SEPTIN9: variants seen among roughly 807,000 people sequenced by gnomAD.
The protein encoded by SEPTIN9 is septin 9, also known as septin-9.
In SEPTIN9, 13 loss-of-function variants were observed where a neutral mutation model predicts 56.6. That is an observed-to-expected ratio of 0.23 (90% CI 0.15 to 0.37). The LOEUF (loss-of-function observed/expected upper bound fraction) is 0.37. Among genes scored for constraint, SEPTIN9 ranks in the 10% least tolerant of loss-of-function variants. The probability of loss-of-function intolerance (pLI) is 1.00; values close to 1 mark genes in which losing one functional copy is unlikely to be tolerated. For synonymous variants in SEPTIN9, 332 were observed against 334.1 expected, an observed-to-expected ratio of 0.99 and a Z score of 0.07; for missense variants, 650 against 823.1, an observed-to-expected ratio of 0.79 and a Z score of 2.57.
At chr17:77,428,392 T>C (rs551705816) in intron 3 of SEPTIN9, among the ~76,000 whole-genome samples, 2 of 152,028 alleles carry the variant, frequency 1.3e-5, no homozygotes, top group Non-Finnish European at 2.9e-5. Flanking sequence ...GAGTGACAGG[T>C]GGACACTGTA....
chr17:77,337,426 T>G (rs2033592003), intron 2 of SEPTIN9, among the ~76,000 whole-genome samples: 1 of 152,184 alleles, frequency 6.6e-6, no homozygotes, highest in Non-Finnish European at 1.5e-5. Context: ...GATTTTTGCG[T>G]GTTGATTCAT....
intron 2 of SEPTIN9, among the ~76,000 whole-genome samples, chr17:77,361,905 T>C (rs1400358410): frequency 6.6e-6 from 1 of 152,224 alleles, no homozygotes; most frequent in African/African-American, 2.4e-5. Context: ...GTGCTGGGAT[T>C]ACAGGCGTGA....
rs369188489 is a variant in SEPTIN9, at chr17:77,475,874, G to C, written c.722-6270G>C. The stretch of plus-strand genomic sequence containing the variant: ...CAGGAGGAGGATGACCTTGCATTCT[G>C]CTTGGCCACCATTGGCAGTGACAGA... On this transcript the variant is annotated intron_variant, in intron 3 of 11. Transcript: ENST00000427177. This position sits in a 1 kb window ranked among gnomAD's most constrained non-coding sequence, Gnocchi z 4.6. 3.1e-6 allele frequency: 5 copies of C among 1,612,350 alleles called. No individual in the cohort carries two copies. The African/African-American group carries it at 6.7e-5, about 22-fold the overall frequency.
chr17:77,375,275 T>C (rs1212187716), intron 2 of SEPTIN9: 2 of 152,222 alleles, frequency 1.3e-5, no homozygotes, highest in Non-Finnish European at 2.9e-5. Context: ...AGTAAGCCCT[T>C]ATGGAGAGAG....
intron 1 of SEPTIN9, among the ~76,000 whole-genome samples, chr17:77,292,809 A>C (rs993104970): frequency 1.3e-5 from 2 of 151,818 alleles, no homozygotes; most frequent in Admixed American, 1.3e-4. Context: ...GATTACCTTC[A>C]TAAGCCACCA....
At chr17:77,482,663 A>T in intron 4 of SEPTIN9, 1 of 608,174 alleles carries the variant, frequency 1.6e-6, no homozygotes, top group Non-Finnish European at 3.0e-6. Context: ...GTTCTGTGGC[A>T]GCTGTCCCCT....
intron 3 of SEPTIN9, chr17:77,469,685 G>A (rs2038893938): frequency 6.6e-6 from 1 of 152,048 alleles, no homozygotes; most frequent in Non-Finnish European, 1.5e-5. Flanking sequence ...CTTTTTCCTG[G>A]GGAGAGTCTG....
At chr17:77,396,223 C>T (rs2035708314) in intron 2 of SEPTIN9, among the ~76,000 whole-genome samples, 1 of 152,216 alleles carries the variant, frequency 6.6e-6, no homozygotes, top group African/African-American at 2.4e-5. Flanking sequence ...CTTTCTGACA[C>T]TGTGCACGGT....
chr17:77,482,014 C>T, intron 3 of SEPTIN9, 130 bp from the exon 4 acceptor site: 1 of 865,530 alleles, frequency 1.2e-6, no homozygotes, highest in Non-Finnish European at 1.7e-6. Flanking sequence ...GTCGCCTGGG[C>T]AAGTCGCTTA....
At chr17:77,418,955 C>T (rs2170863) in intron 3 of SEPTIN9, among the ~76,000 whole-genome samples, 55,554 of 152,008 alleles carry the variant, frequency 0.37, 10,649 homozygotes, top group Non-Finnish European at 0.4. Flanking sequence ...AGGGTCCCTG[C>T]GGGACAGATT....
intron 1 of SEPTIN9, among the ~76,000 whole-genome samples, chr17:77,286,888 C>T (rs1033098891): frequency 5.9e-5 from 9 of 152,196 alleles, no homozygotes; most frequent in Non-Finnish European, 1.2e-4. Context: ...GGGTGTGAAC[C>T]TTTGGGGTGA....
Position 77,499,790 on chromosome 17 carries a change from T to G in SEPTIN9, c.*1132T>G. ...CCCAGGCCTTGCTGACTCTCTGAGCTGGGGAGGTGGGAGGCCAGGCGAGCC... is the reference window on the plus strand; with the variant it reads ...CCCAGGCCTTGCTGACTCTCTGAGCGGGGGAGGTGGGAGGCCAGGCGAGCC... On this transcript the variant is annotated 3_prime_UTR_variant, in exon 12 of 12. Coordinates refer to ENST00000427177, the MANE Select transcript of SEPTIN9 (RefSeq NM_001113491.2). The G allele has an allele frequency of 2.9e-6, 1 of 340,650 alleles. No homozygotes were observed. The highest frequency in any genetic ancestry group is 4.9e-5 in the East Asian group (1 of 20,442). The allele number at this position is 340,650 out of a possible 1,614,324, so 21.1% of individuals were successfully genotyped here. A position where few individuals can be genotyped will look rare whatever the true frequency, so the allele number is the denominator to read the frequency against.
chr17:77,486,926 C>T lies in SEPTIN9; in HGVS notation c.914-498C>T, dbSNP rs75382901. Among the ~76,000 whole-genome samples the T allele has an allele frequency of 9.3e-3, 1,413 of 152,280 alleles. 22 individuals carry two copies. The highest frequency in any genetic ancestry group is 0.032 in the African/African-American group (1,343 of 41,552). ...TTTTGCAGATCAGGAAACTGAGACA[C>T]GGTGAGGTCAGGTGACTTGCCCAGG... On this transcript the variant is annotated intron_variant, in intron 4 of 11. Coordinates refer to ENST00000427177, the MANE Select transcript of SEPTIN9 (RefSeq NM_001113491.2).
At position 77,368,294 on chromosome 17, in the gene SEPTIN9, AAATTTGTCTT is replaced by A. The variant is rs550623771; in HGVS notation, c.77-33764_77-33755del. Among the ~76,000 whole-genome samples, 19 of 151,954 alleles carry A rather than the reference AAATTTGTCTT, an allele frequency of 1.3e-4. No homozygotes were observed. In the South Asian group the frequency reaches 3.7e-3, roughly 30 times the overall value. The stretch of plus-strand genomic sequence containing the variant: ...AACATGGAAACTTGGTTAAAATGGT[AAATTTGTCTT>A]TTTTGTTTTTGTTTTTTTTTTTTTT... On this transcript the variant is annotated intron_variant, in intron 2 of 11. Coordinates refer to ENST00000427177, the MANE Select transcript of SEPTIN9 (RefSeq NM_001113491.2).
chr17:77,474,092 G>A (rs76666467), intron 3 of SEPTIN9, among the ~76,000 whole-genome samples: 4,621 of 152,304 alleles, frequency 0.03, 168 homozygotes, highest in South Asian at 0.088. Context: ...CCTGAAGTGA[G>A]AAGTCATCAT....
chr17:77,454,733 C>T (rs969006548), intron 3 of SEPTIN9, among the ~76,000 whole-genome samples: 1 of 152,206 alleles, frequency 6.6e-6, no homozygotes, highest in African/African-American at 2.4e-5. Flanking sequence ...CCCTGGGAAT[C>T]GCACACTGCC....
At position 77,310,711 on chromosome 17, in the gene SEPTIN9, C is replaced by T. The variant is rs2032457419; in HGVS notation, c.76+3514C>T. Among the ~76,000 whole-genome samples the T allele has an allele frequency of 6.6e-6, 1 of 152,168 alleles. No homozygotes were observed. Among genetic ancestry groups the T allele is most frequent in the Non-Finnish European group, 1.5e-5 (1 of 68,026 alleles). On this transcript the variant is annotated intron_variant, in intron 2 of 11. Transcript: ENST00000427177. This position sits in a 1 kb window ranked among gnomAD's most constrained non-coding sequence, Gnocchi z 4.7. ...GTTCGCTCATTTTCTGTGCCTCAGG[C>T]AGCCGCCTCTCTGACTGAGCGTCCA...
rs905225929 is a variant in SEPTIN9 at position 77,445,717 on chromosome 17, A to G, written c.722-36427A>G. The G allele has an allele frequency of 3.2e-6, 1 of 314,638 alleles. No homozygotes were observed. The highest frequency in any genetic ancestry group is 2.2e-5 in the African/African-American group (1 of 45,684). 19.5% of individuals were successfully genotyped at this position (314,638 alleles called of 1,614,324 possible). A position where few individuals can be genotyped will look rare whatever the true frequency, so the allele number is the denominator to read the frequency against. On this transcript the variant is annotated intron_variant, in intron 3 of 11. Coordinates refer to ENST00000427177, the MANE Select transcript of SEPTIN9 (RefSeq NM_001113491.2). This position sits in a 1 kb window ranked among gnomAD's most constrained non-coding sequence, Gnocchi z 4.7. The stretch of plus-strand genomic sequence containing the variant: ...GGCTGAGTTGGAGGTGGGAGTCCCA[A>G]CTGTCCCCTGTGGCTTCCAGAGTGG...
intron 10 of SEPTIN9, chr17:77,496,975 G>C (rs2040295174): frequency 2.5e-6 from 1 of 397,914 alleles, no homozygotes. Flanking sequence ...GTGGTGCGGG[G>C]GCCCACTGCC....
Sources: gnomAD v4.1 joint callset for allele counts (sites outside exome capture counted in the v4.1 genomes callset) on GRCh38, gnomAD v4.1.1 for gene constraint, Gnocchi (gnomAD v3.1) non-coding constraint, MANE v1.5 for transcripts, NCBI Gene and HGNC (gene_info 2026-07-23, HGNC 2026-07-21) for gene names.